Variants in DCBLD2 observed in about 807,000 individuals in gnomAD.
DCBLD2 encodes the protein discoidin, CUB and LCCL domain-containing protein 2.
A neutral mutation model predicts 86.8 loss-of-function variants in DCBLD2; 54 were observed. The observed-to-expected ratio is 0.62, with a 90% CI of 0.50 to 0.78. The LOEUF is 0.78. Among genes scored for constraint, DCBLD2 ranks in the 30% least tolerant of loss-of-function variants. DCBLD2 has a pLI of 0.00. For missense variants in DCBLD2, 908 were observed against 954.2 expected (o/e 0.95, Z 0.64); for synonymous variants, 354 against 341.3 (o/e 1.04, Z -0.41).
In DCBLD2 at chr3:98,851,842, A is replaced by G. The variant is rs188424262; in HGVS notation, c.434-2244T>C. Reference sequence around the variant, plus strand: ...ACAAGCAACGGGGAAAGGGTTCCCTATTTAATAAATGCTGTTGGGAAAACT... The same window carrying G: ...ACAAGCAACGGGGAAAGGGTTCCCTGTTTAATAAATGCTGTTGGGAAAACT... On this transcript the variant is annotated intron_variant, in intron 2 of 15. Coordinates refer to ENST00000326840, the MANE Select transcript of DCBLD2 (RefSeq NM_080927.4). Among the ~76,000 whole-genome samples the G allele has an allele frequency of 4.6e-5, 7 of 152,358 alleles. No homozygotes were observed. In the East Asian group the frequency reaches 1.3e-3, roughly 29 times the overall value.
At chr3:98,886,755 C>T (rs886844527) in intron 1 of DCBLD2, among the ~76,000 whole-genome samples, 2 of 149,142 alleles carry the variant, frequency 1.3e-5, no homozygotes, top group African/African-American at 4.9e-5. Context: ...AGTGTAAGGT[C>T]AGATGTGTTA....
intron 3 of DCBLD2, among the ~76,000 whole-genome samples, chr3:98,832,769 T>A (rs912518328): frequency 3.9e-5 from 6 of 152,248 alleles, no homozygotes; most frequent in Non-Finnish European, 8.8e-5. Context: ...GTCCCCAATC[T>A]CTTCCAGTTT....
At chr3:98,836,618 C>CTCCCG (rs1942457006) in intron 3 of DCBLD2, among the ~76,000 whole-genome samples, 1 of 142,002 alleles carries the variant, frequency 7.0e-6, no homozygotes, top group African/African-American at 2.6e-5. Context: ...GCACACCTCC[C>CTCCCG]AGACGGGGCG....
intron 4 of DCBLD2, among the ~76,000 whole-genome samples, chr3:98,822,955 A>T (rs828619): frequency 6.6e-6 from 1 of 152,212 alleles, no homozygotes; most frequent in Admixed American, 6.5e-5. Context: ...TCACTGCAAC[A>T]TCTGTCTCCT....
chr3:98,860,856 T>C (rs1448865670), intron 2 of DCBLD2, among the ~76,000 whole-genome samples: 1 of 152,116 alleles, frequency 6.6e-6, no homozygotes, highest in Non-Finnish European at 1.5e-5. Context: ...AATGACAGGA[T>C]CAAATTCACA....
intron 3 of DCBLD2, among the ~76,000 whole-genome samples, chr3:98,845,445 A>G (rs545596936): frequency 2.6e-5 from 4 of 152,306 alleles, no homozygotes; most frequent in African/African-American, 9.6e-5. Flanking sequence ...CTGACTCTAC[A>G]GTCTTTACAA....
At chr3:98,870,753 GAAAGAAAGAA>G (rs1943256529) in intron 2 of DCBLD2, among the ~76,000 whole-genome samples, 1 of 125,734 alleles carries the variant, frequency 8.0e-6, no homozygotes, top group African/African-American at 3.4e-5. Flanking sequence ...AAGAAAGAAA[GAAAGAAAGAA>G]AGAAAGAAAG....
intron 9 of DCBLD2, chr3:98,816,316 A>C (rs1405276364): frequency 6.6e-6 from 1 of 152,094 alleles, no homozygotes; most frequent in Non-Finnish European, 1.5e-5. Context: ...TTCAAAAATG[A>C]ATGCAACATA....
intron 2 of DCBLD2, among the ~76,000 whole-genome samples, chr3:98,861,075 C>T (rs1943034672): frequency 6.6e-6 from 1 of 152,112 alleles, no homozygotes; most frequent in South Asian, 2.1e-4. Context: ...GGTTGCAATC[C>T]TAGTCTCTGA....
At chr3:98,818,769 A>G (rs1942067017) in intron 8 of DCBLD2, among the ~76,000 whole-genome samples, 1 of 152,214 alleles carries the variant, frequency 6.6e-6, no homozygotes, top group South Asian at 2.1e-4. Flanking sequence ...GCCCTTGAAC[A>G]TCAGACTCCA....
In DCBLD2 at chr3:98,901,223, G is replaced by T; in HGVS notation, c.104C>A (p.Ser35Tyr). Residue 35 changes from serine to tyrosine, a missense_variant, in exon 1 of 16, where the codon TCC becomes TAC. Physicochemically the swap from Ser to Tyr is moderately radical, Grantham distance 144 (BLOSUM62 -2). Coordinates refer to ENST00000326840, the MANE Select transcript of DCBLD2 (RefSeq NM_080927.4). ...PAWAALPLSR[S>Y]LPPCSNSSSF... ...GGAGGAGTTGGAGCAGGGAGGGAGGGAGCGGGAGAGGGGGAGCGCGGCCCA... is the reference window on the plus strand; with the variant it reads ...GGAGGAGTTGGAGCAGGGAGGGAGGTAGCGGGAGAGGGGGAGCGCGGCCCA... 9 of 1,535,422 alleles carry T rather than the reference G, an allele frequency of 5.9e-6. No individual in the cohort carries two copies. Among genetic ancestry groups the T allele is most frequent in the Non-Finnish European group, 7.9e-6 (9 of 1,146,494 alleles).
intron 2 of DCBLD2, among the ~76,000 whole-genome samples, chr3:98,865,186 C>A (rs2107504369): frequency 6.6e-6 from 1 of 151,942 alleles, no homozygotes; most frequent in East Asian, 1.9e-4. Flanking sequence ...GCATTATTCA[C>A]AATAGCCAAG....
intron 3 of DCBLD2, among the ~76,000 whole-genome samples, chr3:98,838,146 G>C (rs1942515917): frequency 2.0e-5 from 2 of 102,032 alleles, no homozygotes; most frequent in African/African-American, 7.4e-5. Context: ...GCGGGGGGCT[G>C]ACCCCCCCCA....
intron 1 of DCBLD2, among the ~76,000 whole-genome samples, chr3:98,891,215 GGAGAGA>G (rs137998675): frequency 1.3e-5 from 2 of 148,626 alleles, no homozygotes; most frequent in African/African-American, 5.0e-5. Context: ...GGAGAGGGAG[GGAGAGA>G]GAGAGAGAGA....
chr3:98,849,110 G>A (rs897780431), intron 3 of DCBLD2, among the ~76,000 whole-genome samples: 4 of 151,502 alleles, frequency 2.6e-5, no homozygotes, highest in African/African-American at 7.3e-5. Context: ...TGGAGATTGC[G>A]GTGAGCCGAG....
intron 2 of DCBLD2, among the ~76,000 whole-genome samples, chr3:98,858,454 G>C (rs902191677): frequency 3.9e-5 from 6 of 152,250 alleles, no homozygotes; most frequent in Non-Finnish European, 5.9e-5. Context: ...AGCGAGCGAG[G>C]CCTGCGAGGG....
intron 1 of DCBLD2, among the ~76,000 whole-genome samples, chr3:98,899,917 C>G (rs13317610): frequency 0.052 from 7,870 of 152,150 alleles, 209 homozygotes; most frequent in African/African-American, 0.068. Flanking sequence ...AAATACATCT[C>G]TACAGTGGAA....
chr3:98,849,245 T>C (rs1468069702), intron 3 of DCBLD2: 1 of 558,736 alleles, frequency 1.8e-6, no homozygotes, highest in Non-Finnish European at 3.1e-6. Context: ...CAGCAGTATT[T>C]CCTTTACTAA....
At chr3:98,834,541 G>A (rs1180765158) in intron 3 of DCBLD2, among the ~76,000 whole-genome samples, 1 of 152,250 alleles carries the variant, frequency 6.6e-6, no homozygotes, top group South Asian at 2.1e-4. Context: ...ATATGAGTGA[G>A]AACATGTGAT....
Sources: allele counts gnomAD v4.1 joint callset (sites outside exome capture counted in the v4.1 genomes callset), GRCh38; gene constraint gnomAD v4.1.1; transcripts MANE v1.5; gene names NCBI Gene and HGNC (gene_info 2026-07-23, HGNC 2026-07-21).